LRRC8B: variants seen among roughly 807,000 people sequenced by gnomAD.
LRRC8B encodes the protein leucine rich repeat containing 8 VRAC subunit B.
A neutral mutation model predicts 58.8 loss-of-function variants in LRRC8B; 23 were observed. That is an observed-to-expected ratio of 0.39 (90% CI 0.28 to 0.55). The LOEUF (loss-of-function observed/expected upper bound fraction) is 0.55. LRRC8B is among the 20% of genes least tolerant of loss of function. The pLI, the probability that LRRC8B is intolerant of heterozygous loss-of-function variation, is 0.62. For missense variants in LRRC8B, 694 were observed against 936.0 expected (o/e 0.74, Z 3.37); for synonymous variants, 359 against 374.1 (o/e 0.96, Z 0.47).
At chr1:89,541,660 G>A (rs1001239930) in intron 1 of LRRC8B, among the ~76,000 whole-genome samples, 9 of 125,700 alleles carry the variant, frequency 7.2e-5, no homozygotes, top group South Asian at 2.7e-4. Flanking sequence ...GCAGTGAGCC[G>A]AGATCCCGCC....
At position 89,583,448 on chromosome 1, in the gene LRRC8B, C is replaced by A. The variant is rs1391084115; in HGVS notation, c.798C>A (p.Val266=). ...RVYLKQIIVK[V]ILFVLIITYV... is the part of the protein sequence containing the mutation. Reference sequence around the variant, plus strand: ...ATCTGAAACAGATAATAGTCAAAGTCATTTTGTTTGTGCTCATCATAACTT... The same window carrying A: ...ATCTGAAACAGATAATAGTCAAAGTAATTTTGTTTGTGCTCATCATAACTT... The change falls in exon 5 of 6, where the codon GTC becomes GTA. Residue 266 remains valine (V), a synonymous_variant. Transcript: ENST00000330947. This position sits in a 1 kb window ranked among gnomAD's most constrained non-coding sequence, Gnocchi z 5.2. 3.1e-6 allele frequency: 5 copies of A among 1,614,100 alleles called. No homozygotes were observed. The highest frequency in any genetic ancestry group is 2.5e-6 in the Non-Finnish European group (3 of 1,179,998).
chr1:89,549,455 A>G (rs992539831), intron 1 of LRRC8B, among the ~76,000 whole-genome samples: 10 of 152,184 alleles, frequency 6.6e-5, no homozygotes, highest in Admixed American at 3.9e-4. Flanking sequence ...AATGAAAAAT[A>G]TGCCCTTATG....
rs776319597 is a variant in LRRC8B, at chr1:89,590,889, C to T, written c.2140-1882C>T. 5.8e-4 allele frequency among the ~76,000 whole-genome samples: 89 copies of T among 152,302 alleles called. 2 individuals carry two copies. Among genetic ancestry groups the T allele is most frequent in the Non-Finnish European group, 2.4e-4 (16 of 68,028 alleles). On this transcript the variant is annotated intron_variant, in intron 5 of 5. Coordinates refer to ENST00000330947, the MANE Select transcript of LRRC8B (RefSeq NM_001369817.2). Reference sequence around the variant, plus strand: ...TTCTCAACTGGGAATGATTTTGCCTCCCAAGAGACATTTGTCTGGAAACAT... The same window carrying T: ...TTCTCAACTGGGAATGATTTTGCCTTCCAAGAGACATTTGTCTGGAAACAT...
chr1:89,566,778 A>G (rs886478132), intron 1 of LRRC8B, among the ~76,000 whole-genome samples: 7 of 152,188 alleles, frequency 4.6e-5, no homozygotes, highest in Admixed American at 6.5e-5. Context: ...TTGTTTTTCT[A>G]TCAGAAAGCT....
At chr1:89,562,265 C>G (rs1652728725) in intron 1 of LRRC8B, among the ~76,000 whole-genome samples, 1 of 151,872 alleles carries the variant, frequency 6.6e-6, no homozygotes, top group Non-Finnish European at 1.5e-5. Context: ...TTATTGCCGT[C>G]CTTGATGCCT....
At chr1:89,539,531 T>G (rs376742131) in intron 1 of LRRC8B, among the ~76,000 whole-genome samples, 1 of 152,182 alleles carries the variant, frequency 6.6e-6, no homozygotes, top group African/African-American at 2.4e-5. Flanking sequence ...ACTTTATCAG[T>G]CCTTATTCTA....
chr1:89,547,720 C>T (rs1392251941), intron 1 of LRRC8B, among the ~76,000 whole-genome samples: 1 of 152,150 alleles, frequency 6.6e-6, no homozygotes, highest in African/African-American at 2.4e-5. Flanking sequence ...CAAGAAACCA[C>T]CATGTGCAGT....
At position 89,597,450 on chromosome 1, in the gene LRRC8B, G is replaced by A. The variant is rs1489256742; in HGVS notation, c.*4407G>A. ...TTTTAAGAATACAAAGGGGTATAGA[G>A]TTAGAATGGATGTGTTCGTGCATAT... is the stretch of plus-strand genomic sequence containing the variant. On this transcript the variant is annotated 3_prime_UTR_variant, in exon 6 of 6. Coordinates refer to ENST00000330947, the MANE Select transcript of LRRC8B (RefSeq NM_001369817.2). The A allele has an allele frequency of 1.3e-5, 2 of 152,166 alleles. No individual in the cohort carries two copies. The highest frequency in any genetic ancestry group is 4.8e-5 in the African/African-American group (2 of 41,432). The allele number at this position is 152,166 out of a possible 1,614,324, so 9.4% of individuals were successfully genotyped here.
At position 89,583,012 on chromosome 1, in the gene LRRC8B, T is replaced by C; in HGVS notation, c.362T>C (p.Phe121Ser). The C allele has an allele frequency of 1.2e-6, 2 of 1,614,194 alleles. No homozygotes were observed. The highest frequency in any genetic ancestry group is 1.3e-5 in the African/African-American group (1 of 75,032). Residue 121 changes from phenylalanine (F) to serine (S), a missense_variant, in exon 5 of 6, where the codon TTC becomes TCC. Phe to Ser is a radical substitution (Grantham distance 155). Coordinates refer to ENST00000330947, the MANE Select transcript of LRRC8B (RefSeq NM_001369817.2). The surrounding 1 kb of genome is among the most constrained non-coding windows in gnomAD (Gnocchi z 5.2). ...CAGCTCCATTGGTTTGCAAAGTTTTTCCCCTATCTGGTGCTCTTGCACACG... is the reference window on the plus strand; with the variant it reads ...CAGCTCCATTGGTTTGCAAAGTTTTCCCCCTATCTGGTGCTCTTGCACACG... The part of the protein sequence containing the change: ...EKQLHWFAKF[F>S]PYLVLLHTLI...
At chr1:89,578,575 TAAACCC>T in intron 3 of LRRC8B, among the ~76,000 whole-genome samples, 1 of 152,342 alleles carries the variant, frequency 6.6e-6, no homozygotes, top group African/African-American at 2.4e-5. Context: ...CATGACTTGG[TAAACCC>T]AAAGTAAGTT....
At chr1:89,592,593 T>C (rs1655051883) in intron 5 of LRRC8B, among the ~76,000 whole-genome samples, 178 bp from the exon 6 acceptor site, 1 of 152,108 alleles carries the variant, frequency 6.6e-6, no homozygotes, top group South Asian at 2.1e-4. Context: ...CTCATTGTAC[T>C]CCTGTCTTCA....
chr1:89,541,440 G>T (rs138641768), intron 1 of LRRC8B, among the ~76,000 whole-genome samples: 1 of 151,572 alleles, frequency 6.6e-6, no homozygotes, highest in African/African-American at 2.4e-5. Context: ...GGCCGGGCGC[G>T]GTGGCTCACG....
intron 1 of LRRC8B, among the ~76,000 whole-genome samples, chr1:89,553,601 T>C (rs1651970883): frequency 6.6e-6 from 1 of 152,150 alleles, no homozygotes; most frequent in Non-Finnish European, 1.5e-5. Flanking sequence ...AAAGTACAAA[T>C]CAAATTTATT....
At chr1:89,537,541 C>T (rs1221711393) in intron 1 of LRRC8B, among the ~76,000 whole-genome samples, 1 of 152,124 alleles carries the variant, frequency 6.6e-6, no homozygotes, top group Non-Finnish European at 1.5e-5. Flanking sequence ...GGCATGATCT[C>T]GGCTCACTGT....
At chr1:89,559,686 T>A (rs1275384432) in intron 1 of LRRC8B, among the ~76,000 whole-genome samples, 1 of 151,748 alleles carries the variant, frequency 6.6e-6, no homozygotes, top group Non-Finnish European at 1.5e-5. Context: ...CCACACACAT[T>A]TTTGTGTATA....
chr1:89,564,208 C>T (rs947083748), intron 1 of LRRC8B, among the ~76,000 whole-genome samples: 5 of 152,116 alleles, frequency 3.3e-5, no homozygotes, highest in Admixed American at 1.3e-4. Context: ...CTTGCTCTGG[C>T]TATCTATCAT....
chr1:89,574,468 T>G (rs1336935067), intron 3 of LRRC8B, among the ~76,000 whole-genome samples: 3 of 152,146 alleles, frequency 2.0e-5, no homozygotes. Flanking sequence ...GAGAAAAAAG[T>G]CAGCAAGACC....
intron 1 of LRRC8B, among the ~76,000 whole-genome samples, chr1:89,551,038 CATTT>C (rs1459465280): frequency 6.6e-6 from 1 of 152,192 alleles, no homozygotes; most frequent in Non-Finnish European, 1.5e-5. Flanking sequence ...CTCACTGCCT[CATTT>C]ATTTGTGAAG....
At position 89,584,190 on chromosome 1, in the gene LRRC8B, G is replaced by A; in HGVS notation, c.1540G>A (p.Glu514Lys). The change falls in exon 5 of 6, where the codon GAA becomes AAA. Residue 514 changes from glutamate to lysine, a missense_variant. By Grantham distance (56) the Glu-to-Lys change is moderately conservative (BLOSUM62 1). This residue lies in a region of LRRC8B where 162 missense variants were observed against 198.5 expected (regional missense o/e 0.82). Transcript: ENST00000330947. ...RWVFHLKNLK[E>K]LYLSGCVLPE... Reference sequence around the variant, plus strand: ...GGTATTTCACCTCAAGAATCTCAAGGAACTTTATCTTTCGGGCTGTGTTCT... The same window carrying A: ...GGTATTTCACCTCAAGAATCTCAAGAAACTTTATCTTTCGGGCTGTGTTCT... The A allele has an allele frequency of 6.2e-7, 1 of 1,611,334 alleles. No individual in the cohort carries two copies. The highest frequency in any genetic ancestry group is 1.1e-5 in the South Asian group (1 of 91,082).
Sources: gnomAD v4.1 joint callset for allele counts (sites outside exome capture counted in the v4.1 genomes callset) on GRCh38, gnomAD v4.1.1 for gene constraint, gnomAD v4.1.1 regional missense constraint, Gnocchi (gnomAD v3.1) non-coding constraint, MANE v1.5 for transcripts, NCBI Gene and HGNC (gene_info 2026-07-23, HGNC 2026-07-21) for gene names.